Variants in XKR4 observed in about 807,000 individuals in gnomAD.
The protein encoded by XKR4 is XK related 4.
A neutral mutation model predicts 53.9 loss-of-function variants in XKR4; 12 were observed. That is an observed-to-expected ratio of 0.22 (90% CI 0.14 to 0.36). The LOEUF (loss-of-function observed/expected upper bound fraction) is 0.36, where lower values mean the gene tolerates loss of function less well. Among genes scored for constraint, XKR4 ranks in the 10% least tolerant of loss-of-function variants. The pLI is 1.00. For synonymous variants in XKR4, 354 were observed against 362.4 expected (o/e 0.98, Z 0.26); for missense variants, 799 against 859.5 (o/e 0.93, Z 0.88).
intron 1 of XKR4, among the ~76,000 whole-genome samples, chr8:55,141,645 T>TCTC (rs1816702784): frequency 8.9e-6 from 1 of 111,930 alleles, no homozygotes; most frequent in Admixed American, 9.1e-5. Context: ...GTGCTTCTGC[T>TCTC]TCTCTCTCTC....
At position 55,336,793 on chromosome 8, in the gene XKR4, C is replaced by A. The variant is rs180697698; in HGVS notation, c.807-20885C>A. On this transcript the variant is annotated intron_variant, in intron 1 of 2. Coordinates refer to ENST00000327381, the MANE Select transcript of XKR4 (RefSeq NM_052898.2). The stretch of plus-strand genomic sequence containing the variant: ...TTGATTTACAATTTTGGGGGGTACA[C>A]TACAATTCTCTATTATTAAACCATC... 2.3e-3 allele frequency among the ~76,000 whole-genome samples: 356 copies of A among 152,184 alleles called. 1 individual carries two copies. Among genetic ancestry groups the A allele is most frequent in the African/African-American group, 8.1e-3 (338 of 41,522 alleles).
At chr8:55,180,722 G>A (rs1268503375) in intron 1 of XKR4, among the ~76,000 whole-genome samples, 2 of 152,024 alleles carry the variant, frequency 1.3e-5, no homozygotes, top group African/African-American at 2.4e-5. Context: ...TAGTAGAGAC[G>A]GGGTTTCACC....
At chr8:55,273,150 G>C (rs1450759411) in intron 1 of XKR4, among the ~76,000 whole-genome samples, 1 of 39,276 alleles carries the variant, frequency 2.5e-5, no homozygotes, top group East Asian at 4.0e-4. Flanking sequence ...GACTGTGTGT[G>C]TGTGTGTGTG....
intron 1 of XKR4, among the ~76,000 whole-genome samples, chr8:55,331,392 T>C (rs1031215055): frequency 1.3e-5 from 2 of 152,244 alleles, no homozygotes; most frequent in Non-Finnish European, 2.9e-5. Context: ...TTCTAGAGAA[T>C]ATCTCATGTG....
chr8:55,112,622 A>G (rs1816249348), intron 1 of XKR4, among the ~76,000 whole-genome samples: 1 of 133,248 alleles, frequency 7.5e-6, no homozygotes. Flanking sequence ...AAGCAAAGGT[A>G]GCAATCGTAG....
At chr8:55,166,737 T>A (rs1817070503) in intron 1 of XKR4, among the ~76,000 whole-genome samples, 1 of 152,164 alleles carries the variant, frequency 6.6e-6, no homozygotes, top group Admixed American at 6.5e-5. Context: ...CTCAGACAGA[T>A]AACATCGCAT....
intron 1 of XKR4, among the ~76,000 whole-genome samples, chr8:55,174,931 G>T (rs1402809434): frequency 6.6e-6 from 1 of 152,182 alleles, no homozygotes; most frequent in Non-Finnish European, 1.5e-5. Flanking sequence ...TCTCATTAGG[G>T]ATCTCAAGTT....
intron 2 of XKR4, among the ~76,000 whole-genome samples, chr8:55,496,987 A>T (rs1328229243): frequency 6.6e-6 from 1 of 152,196 alleles, no homozygotes; most frequent in East Asian, 1.9e-4. Context: ...AGCCTGTAAG[A>T]TCCTGCCCAG....
chr8:55,121,574 G>C (rs555028821), intron 1 of XKR4, among the ~76,000 whole-genome samples: 1 of 152,086 alleles, frequency 6.6e-6, no homozygotes, highest in African/African-American at 2.4e-5. Flanking sequence ...TACTGTAAAA[G>C]ATTGTATTTA....
chr8:55,149,549 T>C (rs1169863472), intron 1 of XKR4, among the ~76,000 whole-genome samples: 1 of 152,206 alleles, frequency 6.6e-6, no homozygotes, highest in East Asian at 1.9e-4. Context: ...ATAATGTTCA[T>C]CAGAGTTTCT....
At chr8:55,368,829 G>A (rs1804030066) in intron 2 of XKR4, among the ~76,000 whole-genome samples, 2 of 152,098 alleles carry the variant, frequency 1.3e-5, no homozygotes, top group Admixed American at 6.5e-5. Flanking sequence ...CTTTTCAGTT[G>A]GACTAGCCAA....
chr8:55,434,335 A>G (rs779599751), intron 2 of XKR4, among the ~76,000 whole-genome samples: 1 of 152,216 alleles, frequency 6.6e-6, no homozygotes, highest in Non-Finnish European at 1.5e-5. Context: ...TAAATTCAAC[A>G]TTGAAAATAT....
intron 1 of XKR4, among the ~76,000 whole-genome samples, chr8:55,254,147 C>T (rs959766600): frequency 6.6e-6 from 1 of 151,864 alleles, no homozygotes; most frequent in Non-Finnish European, 1.5e-5. Context: ...ATTCTTTAAT[C>T]GAGCCTTTCT....
chr8:55,378,181 T>C (rs1232674893), intron 2 of XKR4, among the ~76,000 whole-genome samples: 1 of 152,198 alleles, frequency 6.6e-6, no homozygotes, highest in Non-Finnish European at 1.5e-5. Flanking sequence ...AATAGTACAA[T>C]GAATTTAGAG....
chr8:55,372,020 G>A (rs944270047), intron 2 of XKR4, among the ~76,000 whole-genome samples: 1 of 152,204 alleles, frequency 6.6e-6, no homozygotes. Context: ...TCCCTCTGAG[G>A]TGTGGTGAGC....
At chr8:55,295,535 C>A (rs931902746) in intron 1 of XKR4, among the ~76,000 whole-genome samples, 1 of 152,130 alleles carries the variant, frequency 6.6e-6, no homozygotes, top group African/African-American at 2.4e-5. Flanking sequence ...TTGCATGAAA[C>A]TGTAAATAAT....
chr8:55,386,290 C>T (rs1804313998), intron 2 of XKR4, among the ~76,000 whole-genome samples: 1 of 152,218 alleles, frequency 6.6e-6, no homozygotes, highest in African/African-American at 2.4e-5. Context: ...CCACTGCATG[C>T]ATGATATCCA....
At chr8:55,344,410 T>C (rs1015222159) in intron 1 of XKR4, among the ~76,000 whole-genome samples, 2 of 151,710 alleles carry the variant, frequency 1.3e-5, no homozygotes, top group Admixed American at 6.6e-5. Context: ...GATCACTGCT[T>C]CCTGAGTTGT....
intron 2 of XKR4, chr8:55,450,843 C>A: frequency 2.1e-6 from 1 of 485,828 alleles, no homozygotes; most frequent in South Asian, 1.9e-5. Context: ...CCAGGCCCAT[C>A]AGCACGGAGG....
Sources: allele counts gnomAD v4.1 joint callset (sites outside exome capture counted in the v4.1 genomes callset), GRCh38; gene constraint gnomAD v4.1.1; transcripts MANE v1.5; gene names NCBI Gene and HGNC (gene_info 2026-07-23, HGNC 2026-07-21).